The following SLC7A7 variants were observed in gnomAD, a reference collection of about 807,000 sequenced individuals.
The protein encoded by SLC7A7 is solute carrier family 7 member 7.
In SLC7A7, 39 loss-of-function variants were observed where a neutral mutation model predicts 47.9. That is an observed-to-expected ratio of 0.81 (90% CI 0.63 to 1.06). SLC7A7 has a LOEUF of 1.06. Among genes scored for constraint, SLC7A7 ranks in the 50% least tolerant of loss-of-function variants. The pLI, the probability that SLC7A7 is intolerant of heterozygous loss-of-function variation, is 0.00. For synonymous variants in SLC7A7, 234 were observed against 242.8 expected (o/e 0.96, Z 0.34); for missense variants, 588 against 632.0 (o/e 0.93, Z 0.75).
chr14:22,773,644 T>A lies in SLC7A7; in HGVS notation c.1502A>T (p.Glu501Val). The change falls in exon 10 of 10, where the codon GAG (glutamate) becomes GTG (valine). Residue 501 changes from glutamate (E) to valine (V), a missense_variant. Coordinates refer to ENST00000674313, the MANE Select transcript of SLC7A7 (RefSeq NM_003982.4). ...AAEMDLEDGG[E>V]MPKQRDPKSN ...TTTGGGATCCCGTTGCTTGGGCATC[T>A]CTCCTCCATCTTCCAAATCCATTTC... The A allele has an allele frequency of 6.2e-7, 1 of 1,614,162 alleles. No individual in the cohort carries two copies. The highest frequency in any genetic ancestry group is 8.5e-7 in the Non-Finnish European group (1 of 1,180,028).
Position 22,813,288 on chromosome 14 carries a change from G to A in SLC7A7, c.111C>T (p.Ile37=), listed in dbSNP as rs755939273. 6.2e-7 allele frequency: 1 copy of A among 1,614,184 alleles called. No individual in the cohort carries two copies. The highest frequency in any genetic ancestry group is 8.5e-7 in the Non-Finnish European group (1 of 1,180,028). The change falls in exon 2 of 10, where the codon ATC becomes ATT. Residue 37 remains isoleucine, a synonymous_variant. Coordinates refer to ENST00000674313, the MANE Select transcript of SLC7A7 (RefSeq NM_003982.4). ...TCAGGCACACGCCGTTAAGCAGTGA[G>A]ATCTCCTTCTTCAGCTTCACCTGCT... The part of the protein sequence containing the change: ...GPEQVKLKKE[I]SLLNGVCLIV...
upstream of SLC7A7, among the ~76,000 whole-genome samples, chr14:22,817,479 A>G (rs1319686753): frequency 1.3e-5 from 2 of 152,180 alleles, no homozygotes; most frequent in East Asian, 3.8e-4. Flanking sequence ...AGCTGGGATT[A>G]CAGGTGCACA....
chr14:22,776,388 ACT>A, intron 4 of SLC7A7, 70 bp from the exon 5 acceptor site: 1 of 1,593,054 alleles, frequency 6.3e-7, no homozygotes, highest in South Asian at 1.1e-5. Context: ...TAATCCTTAG[ACT>A]CTCCCTGCCA....
chr14:22,792,052 G>T (rs562158562), intron 2 of SLC7A7, among the ~76,000 whole-genome samples: 1 of 152,054 alleles, frequency 6.6e-6, no homozygotes, highest in East Asian at 1.9e-4. Flanking sequence ...AGCCAGGATG[G>T]TCTCAATTTC....
At chr14:22,777,729 T>C (rs1356448166) in intron 4 of SLC7A7, among the ~76,000 whole-genome samples, 1 of 152,258 alleles carries the variant, frequency 6.6e-6, no homozygotes, top group African/African-American at 2.4e-5. Flanking sequence ...CTTCTGTTTC[T>C]CAAGCCAAAA....
chr14:22,773,375 C>G lies in SLC7A7; in HGVS notation c.*235G>C, dbSNP rs1246659736. 2.9e-5 allele frequency: 18 copies of G among 617,178 alleles called. No individual in the cohort carries two copies. The highest frequency in any genetic ancestry group is 4.8e-5 in the Non-Finnish European group (16 of 332,320). The allele number at this position is 617,178 out of a possible 1,614,324, so 38.2% of individuals were successfully genotyped here. A position where few individuals can be genotyped will look rare whatever the true frequency, so the allele number is the denominator to read the frequency against. Reference sequence around the variant, plus strand: ...GCTTCTAAAACAACCAAGCCCAAACCTGACATGCTCCTCCCCACAGTCACC... The same window carrying G: ...GCTTCTAAAACAACCAAGCCCAAACGTGACATGCTCCTCCCCACAGTCACC... On this transcript the variant is annotated 3_prime_UTR_variant, in exon 10 of 10. Transcript: ENST00000674313.
chr14:22,778,915 A>T lies in SLC7A7; in HGVS notation c.648T>A (p.Asn216Lys). ...CTGCAAATGATGAACCCTCAAAGGA[A>T]TTCTCAAAATGAGTAGAGGCTCCTG... ...LGQGASTHFE[N>K]SFEGSSFAVG... The change falls in exon 4 of 10, where the codon AAT becomes AAA. Residue 216 changes from asparagine to lysine, a missense_variant. By Grantham distance (94) the Asn-to-Lys change is moderately conservative. Coordinates refer to ENST00000674313, the MANE Select transcript of SLC7A7 (RefSeq NM_003982.4). 2 of 1,614,144 alleles carry T rather than the reference A, an allele frequency of 1.2e-6. No homozygotes were observed. Among genetic ancestry groups the T allele is most frequent in the Non-Finnish European group, 1.7e-6 (2 of 1,180,036 alleles).
intron 1 of SLC7A7, 89 bp downstream of exon 1, chr14:22,815,231 G>A: frequency 2.6e-6 from 1 of 390,102 alleles, no homozygotes; most frequent in African/African-American, 2.1e-5. Context: ...GAGGCACTCG[G>A]GAGAAGAAGC....
chr14:22,812,773 C>CTATACATATATATATATA (rs1555326121), intron 2 of SLC7A7, 127 bp downstream of exon 2: 1 of 398,386 alleles, frequency 2.5e-6, no homozygotes, highest in African/African-American at 2.6e-5. Flanking sequence ...CATACTTTAA[C>CTATACATATATATATATA]TATATATATA....
At chr14:22,789,335 GAGGCC>G (rs952571962) in intron 2 of SLC7A7, among the ~76,000 whole-genome samples, 25 of 152,084 alleles carry the variant, frequency 1.6e-4, no homozygotes, top group African/African-American at 6.0e-4. Flanking sequence ...GTTGCAGATA[GAGGCC>G]AGGCGCAGTG....
intron 2 of SLC7A7, among the ~76,000 whole-genome samples, chr14:22,795,444 T>A (rs1284999080): frequency 0.013 from 365 of 28,500 alleles, 7 homozygotes; most frequent in African/African-American, 0.029. Context: ...CTTTCTTTCT[T>A]TTCTATTCTT....
Position 22,774,374 on chromosome 14 carries a change from C to G in SLC7A7, c.1225G>C (p.Asp409His), listed in dbSNP as rs2038550517. The change falls in exon 8 of 10, where the codon GAT becomes CAT. Residue 409 changes from aspartate (D) to histidine (H), a missense_variant. Transcript: ENST00000674313. Reference protein sequence around the residue: ...GQLYLRWKEPDRPRPLKLSVF... With the variant: ...GQLYLRWKEPHRPRPLKLSVF... Reference sequence around the variant, plus strand: ...CTTACCTTGAGGGGACGAGGTCGATCAGGCTCCTTCCAGCGCAGATAAAGC... The same window carrying G: ...CTTACCTTGAGGGGACGAGGTCGATGAGGCTCCTTCCAGCGCAGATAAAGC... The G allele has an allele frequency of 3.1e-6, 5 of 1,614,176 alleles. No homozygotes were observed. The highest frequency in any genetic ancestry group is 2.7e-5 in the African/African-American group (2 of 75,036).
intron 1 of SLC7A7, among the ~76,000 whole-genome samples, chr14:22,813,722 A>G (rs952832344): frequency 2.6e-5 from 4 of 151,564 alleles, no homozygotes; most frequent in African/African-American, 9.7e-5. Flanking sequence ...TCCCGGGTTC[A>G]AGCGCTTCTC....
chr14:22,791,995 C>T (rs8006930), intron 2 of SLC7A7, among the ~76,000 whole-genome samples: 130,496 of 151,846 alleles, frequency 0.86, 57,138 homozygotes, highest in East Asian at 0.98. Context: ...CCACCACGTC[C>T]GGCTAATTTT....
upstream of SLC7A7, among the ~76,000 whole-genome samples, chr14:22,818,597 T>G (rs1250250669): frequency 7.2e-6 from 1 of 139,212 alleles, no homozygotes; most frequent in Non-Finnish European, 1.5e-5. Flanking sequence ...TTTTTTTTTT[T>G]TGGTTTTTGG....
At chr14:22,811,858 A>T (rs929775287) in intron 2 of SLC7A7, among the ~76,000 whole-genome samples, 2 of 151,482 alleles carry the variant, frequency 1.3e-5, no homozygotes, top group African/African-American at 4.8e-5. Flanking sequence ...AAAAAAAAAA[A>T]AAAAAAAGGA....
At chr14:22,801,944 A>G (rs529754765) in intron 2 of SLC7A7, among the ~76,000 whole-genome samples, 4 of 152,214 alleles carry the variant, frequency 2.6e-5, no homozygotes, top group Non-Finnish European at 5.9e-5. Context: ...TGAATGTTTA[A>G]TCTCCAACCC....
chr14:22,776,430 G>A (rs191641227), intron 4 of SLC7A7, 112 bp from the exon 5 acceptor site: 3 of 1,387,800 alleles, frequency 2.2e-6, no homozygotes, highest in African/African-American at 2.8e-5. Flanking sequence ...GGAGACTGTT[G>A]CTACATTTCC....
Position 22,813,139 on chromosome 14 carries a change from G to A in SLC7A7, c.260C>T (p.Ala87Val), listed in dbSNP as rs1421138618. 3.7e-6 allele frequency: 6 copies of A among 1,613,984 alleles called. No individual in the cohort carries two copies. The highest frequency in any genetic ancestry group is 1.3e-5 in the African/African-American group (1 of 74,878). Residue 87 changes from alanine (A) to valine (V), a missense_variant, in exon 2 of 10, where the codon GCC becomes GTC. Ala to Val is a moderately conservative substitution (Grantham distance 64). Transcript: ENST00000674313. ...GGTGCCCAGTTCCGCATAACAAAGG[G>A]CCCCAAAGACGGAGAAGAGGCCCCC... ...AVGGLFSVFG[A>V]LCYAELGTTI... is the part of the protein sequence containing the mutation.
Sources: allele counts gnomAD v4.1 joint callset (sites outside exome capture counted in the v4.1 genomes callset), GRCh38; gene constraint gnomAD v4.1.1; transcripts MANE v1.5; gene names NCBI Gene and HGNC (gene_info 2026-07-23, HGNC 2026-07-21).